Variants in CCNY observed in about 807,000 individuals in gnomAD.
CCNY encodes cyclin-Y.
CCNY carries 19 observed loss-of-function variants against 42.8 expected under a neutral mutation model. That is an observed-to-expected ratio of 0.44 (90% CI 0.31 to 0.65). The LOEUF is 0.65. Among genes scored for constraint, CCNY ranks in the 30% least tolerant of loss-of-function variants. The pLI is 0.07. For missense variants in CCNY, 370 were observed against 437.3 expected (o/e 0.85, Z 1.37); for synonymous variants, 165 against 162.7 (o/e 1.01, Z -0.11).
At chr10:35,493,324 C>T (rs112090794) in intron 2 of CCNY, among the ~76,000 whole-genome samples, 1,584 of 152,264 alleles carry the variant, frequency 0.01, 23 homozygotes, top group African/African-American at 0.036. Context: ...TTTGATGCCC[C>T]GTCTACCACA....
intron 2 of CCNY, among the ~76,000 whole-genome samples, chr10:35,494,234 A>ACCCCC (rs3067564): frequency 6.4e-5 from 7 of 109,812 alleles, no homozygotes; most frequent in Non-Finnish European, 9.2e-5. Flanking sequence ...GCATAGTGAG[A>ACCCCC]CCCCCCCCCC....
rs143504256 is a variant in CCNY, at chr10:35,346,761, G to A, written c.154+9554G>A. On this transcript the variant is annotated intron_variant, in intron 1 of 9. Coordinates refer to ENST00000374704, the MANE Select transcript of CCNY (RefSeq NM_145012.6). ...CCCACCTCAGCCTCCTGAGTAGCTG[G>A]GACTATAGTCGTGTGCCACCATGCC... is the stretch of plus-strand genomic sequence containing the variant. 6.5e-3 allele frequency among the ~76,000 whole-genome samples: 992 copies of A among 152,212 alleles called. 17 individuals carry two copies. The highest frequency in any genetic ancestry group is 0.023 in the African/African-American group (948 of 41,532).
At chr10:35,515,797 A>G (rs1840415604) in intron 3 of CCNY, among the ~76,000 whole-genome samples, 1 of 152,186 alleles carries the variant, frequency 6.6e-6, no homozygotes, top group Non-Finnish European at 1.5e-5. Context: ...TGTGCTATAA[A>G]TTCTATTTAC....
At chr10:35,325,026 G>C (rs1835863576) in intron 3 of CCNY, among the ~76,000 whole-genome samples, 1 of 152,188 alleles carries the variant, frequency 6.6e-6, no homozygotes, top group South Asian at 2.1e-4. Flanking sequence ...TAAAAATATA[G>C]AGAATTAGCT....
At chr10:35,425,842 A>G (rs549351753) in intron 1 of CCNY, among the ~76,000 whole-genome samples, 134 of 152,324 alleles carry the variant, frequency 8.8e-4, no homozygotes, top group African/African-American at 2.8e-3. Context: ...ACTACAAACT[A>G]AACAACAAAA....
At chr10:35,391,134 C>G (rs1837404031) in intron 1 of CCNY, among the ~76,000 whole-genome samples, 1 of 152,216 alleles carries the variant, frequency 6.6e-6, no homozygotes, top group Non-Finnish European at 1.5e-5. Flanking sequence ...TTACTTTCTG[C>G]AGAAAGGGTG....
chr10:35,436,341 C>A (rs562531815), intron 1 of CCNY, among the ~76,000 whole-genome samples: 1 of 152,314 alleles, frequency 6.6e-6, no homozygotes, highest in South Asian at 2.1e-4. Flanking sequence ...TTATCTTGGG[C>A]ATAAAGTGAC....
intron 1 of CCNY, among the ~76,000 whole-genome samples, chr10:35,358,763 C>T (rs1836617006): frequency 6.6e-6 from 1 of 152,236 alleles, no homozygotes; most frequent in African/African-American, 2.4e-5. Flanking sequence ...AGAAGGGTGA[C>T]ACTGAAACTC....
chr10:35,295,888 G>A (rs1475692774), intron 3 of CCNY, among the ~76,000 whole-genome samples: 8 of 152,190 alleles, frequency 5.3e-5, no homozygotes, highest in Admixed American at 2.6e-4. Flanking sequence ...CCATTCCTCT[G>A]TTGATAGATA....
At chr10:35,479,865 C>G (rs1839625742) in intron 1 of CCNY, among the ~76,000 whole-genome samples, 2 of 152,096 alleles carry the variant, frequency 1.3e-5, no homozygotes, top group South Asian at 2.1e-4. Flanking sequence ...TTTTTCCTGA[C>G]TCTGCAATGA....
intron 1 of CCNY, among the ~76,000 whole-genome samples, chr10:35,397,670 G>T (rs2135222685): frequency 6.6e-6 from 1 of 152,246 alleles, no homozygotes; most frequent in East Asian, 1.9e-4. Flanking sequence ...GAGAACTTGG[G>T]CTAGGAGCAG....
At chr10:35,473,026 C>CA (rs1839421634) in intron 1 of CCNY, among the ~76,000 whole-genome samples, 1 of 152,142 alleles carries the variant, frequency 6.6e-6, no homozygotes, top group South Asian at 2.1e-4. Context: ...ATTTTTGACT[C>CA]AAAAAATTAT....
chr10:35,341,504 A>G (rs572121073), intron 1 of CCNY, among the ~76,000 whole-genome samples: 11 of 152,376 alleles, frequency 7.2e-5, no homozygotes, highest in African/African-American at 1.9e-4. Context: ...GTAAGTTCCA[A>G]TAGAACATTT....
intron 1 of CCNY, among the ~76,000 whole-genome samples, chr10:35,426,711 G>A (rs1455208735): frequency 3.3e-5 from 5 of 152,194 alleles, no homozygotes; most frequent in Non-Finnish European, 7.3e-5. Context: ...CTATATTCCT[G>A]AGACCCTTTG....
At chr10:35,424,917 G>C (rs1838234036) in intron 1 of CCNY, among the ~76,000 whole-genome samples, 1 of 152,188 alleles carries the variant, frequency 6.6e-6, no homozygotes, top group Non-Finnish European at 1.5e-5. Context: ...TCTAAGTGAA[G>C]ATGTAAGGGG....
intron 1 of CCNY, among the ~76,000 whole-genome samples, chr10:35,353,710 T>TA (rs1836478954): frequency 6.6e-6 from 1 of 152,262 alleles, no homozygotes; most frequent in Non-Finnish European, 1.5e-5. Context: ...CCAGTTCTTA[T>TA]AGCAAGGTAA....
rs115392080 is a variant in CCNY at position 35,427,829 on chromosome 10, T to C, written c.155-55575T>C. 5.9e-3 allele frequency among the ~76,000 whole-genome samples: 905 copies of C among 152,156 alleles called. 13 individuals carry two copies. The highest frequency in any genetic ancestry group is 0.021 in the African/African-American group (863 of 41,512). ...CTGCAGGAAAGAGCAGCAAAACAAG[T>C]GCTGACAGTTGCCAGCAGTTGAGAG... On this transcript the variant is annotated intron_variant, in intron 1 of 9. Coordinates refer to ENST00000374704, the MANE Select transcript of CCNY (RefSeq NM_145012.6).
intron 8 of CCNY, among the ~76,000 whole-genome samples, chr10:35,554,392 G>A (rs929377159): frequency 6.6e-6 from 1 of 152,106 alleles, no homozygotes; most frequent in Non-Finnish European, 1.5e-5. Flanking sequence ...CATAAAGTAA[G>A]AAACACATAA....
intron 3 of CCNY, among the ~76,000 whole-genome samples, chr10:35,318,181 T>C (rs1835782499): frequency 1.3e-5 from 2 of 152,116 alleles, no homozygotes; most frequent in Admixed American, 1.3e-4. Context: ...TGAGCCATGA[T>C]TGTGCCACTG....
Sources: gnomAD v4.1 joint callset for allele counts (sites outside exome capture counted in the v4.1 genomes callset) on GRCh38, gnomAD v4.1.1 for gene constraint, MANE v1.5 for transcripts, NCBI Gene and HGNC (gene_info 2026-07-23, HGNC 2026-07-21) for gene names.